Variants in IPO9 observed in about 807,000 individuals in gnomAD.
The protein encoded by IPO9 is importin-9.
Under a neutral mutation model 128.6 loss-of-function variants are expected in IPO9, and 28 were observed. That is an observed-to-expected ratio of 0.22 (90% CI 0.16 to 0.30). The LOEUF is 0.30. Among genes scored for constraint, IPO9 ranks in the 10% least tolerant of loss-of-function variants. The probability of loss-of-function intolerance (pLI) is 1.00; values close to 1 mark genes in which losing one functional copy is unlikely to be tolerated. For synonymous variants in IPO9, 455 were observed against 475.8 expected, an observed-to-expected ratio of 0.96 and a Z score of 0.57; for missense variants, 935 against 1,293.9, an observed-to-expected ratio of 0.72 and a Z score of 4.26.
At position 201,859,051 on chromosome 1, in the gene IPO9, G is replaced by A. The variant is rs1177095680; in HGVS notation, c.1468+57G>A. The A allele has an allele frequency of 7.0e-6, 11 of 1,563,376 alleles. No homozygotes were observed. The East Asian group carries it at 2.1e-4, about 29-fold the overall frequency. ...ACTCTTTAAACCTGTTGTGGGGTTG[G>A]GGGAGGGATCAGCATTAGGAGATAT... On this transcript the variant is annotated intron_variant, in intron 13 of 23. Coordinates refer to ENST00000361565, the MANE Select transcript of IPO9 (RefSeq NM_018085.5).
At chr1:201,839,409 G>A (rs1679996245) in intron 1 of IPO9, among the ~76,000 whole-genome samples, 1 of 151,820 alleles carries the variant, frequency 6.6e-6, no homozygotes, top group African/African-American at 2.4e-5. Flanking sequence ...TAGAGACGGG[G>A]TTTCACCATG....
At chr1:201,855,004 C>A in intron 8 of IPO9, 81 bp downstream of exon 8, 2 of 1,351,834 alleles carry the variant, frequency 1.5e-6, no homozygotes, top group South Asian at 1.3e-5. Flanking sequence ...TCATATGGTT[C>A]CACTCTTCTT....
At chr1:201,838,965 G>A (rs970955990) in intron 1 of IPO9, among the ~76,000 whole-genome samples, 3 of 151,310 alleles carry the variant, frequency 2.0e-5, no homozygotes, top group Non-Finnish European at 2.9e-5. Flanking sequence ...TGTCACCCAG[G>A]CTGGAGTGCA....
At chr1:201,869,826 C>A in intron 17 of IPO9, 108 bp downstream of exon 17, 1 of 1,323,298 alleles carries the variant, frequency 7.6e-7, no homozygotes, top group Non-Finnish European at 1.0e-6. Context: ...ACGGAATTCT[C>A]AACTCCATAT....
intron 1 of IPO9, among the ~76,000 whole-genome samples, chr1:201,843,744 C>G (rs1680082736): frequency 6.6e-6 from 1 of 151,192 alleles, no homozygotes; most frequent in Non-Finnish European, 1.5e-5. Flanking sequence ...ACAAGAATCG[C>G]TTGAACCCAG....
chr1:201,830,385 A>G (rs1056166363), intron 1 of IPO9, among the ~76,000 whole-genome samples: 1 of 152,230 alleles, frequency 6.6e-6, no homozygotes, highest in Non-Finnish European at 1.5e-5. Flanking sequence ...ACGTATTTCT[A>G]TTGAAAAGAA....
At chr1:201,875,606 T>A (rs1908600) in intron 23 of IPO9, among the ~76,000 whole-genome samples, 2,642 of 147,416 alleles carry the variant, frequency 0.018, 76 homozygotes, top group African/African-American at 0.062. Flanking sequence ...AAAAAAAAAA[T>A]CCATTTATAA....
In IPO9 at chr1:201,883,184, A is replaced by ACCCC. The variant is rs2102897785; in HGVS notation, c.*7131_*7132insCCCC. ...CTTTCACTAGATTCCCCCCCCCCCAACAACTTAGTCCAAGAACATACCTGA... is the reference window on the plus strand; with the variant it reads ...CTTTCACTAGATTCCCCCCCCCCCAACCCCCAACTTAGTCCAAGAACATACCTGA... On this transcript the variant is annotated 3_prime_UTR_variant, in exon 24 of 24. Transcript: ENST00000361565. The ACCCC allele has an allele frequency of 8.3e-6, 1 of 120,596 alleles. No homozygotes were observed. The highest frequency in any genetic ancestry group is 3.1e-4 in the South Asian group (1 of 3,216). The allele number at this position is 120,596 out of a possible 1,614,324, so 7.5% of individuals were successfully genotyped here. A position where few individuals can be genotyped will look rare whatever the true frequency, so the allele number is the denominator to read the frequency against.
chr1:201,841,914 A>C (rs753510823), intron 1 of IPO9, among the ~76,000 whole-genome samples: 3 of 152,212 alleles, frequency 2.0e-5, no homozygotes, highest in Admixed American at 2.0e-4. Context: ...CTGCTCTCAC[A>C]CTACAACAGT....
chr1:201,852,089 C>CT lies in IPO9; in HGVS notation c.515-9dup. On this transcript the variant is annotated splice_polypyrimidine_tract_variant and intron_variant, in intron 4 of 23. Coordinates refer to ENST00000361565, the MANE Select transcript of IPO9 (RefSeq NM_018085.5). ...CAGTATTTTTTTTTTAACAGTACTA[C>CT]TTTTTTCTTTGTAGAATTCACTCGT... 6.4e-7 allele frequency: 1 copy of CT among 1,559,086 alleles called. No individual in the cohort carries two copies. Among genetic ancestry groups the CT allele is most frequent in the Non-Finnish European group, 8.8e-7 (1 of 1,132,838 alleles).
At chr1:201,836,648 G>A (rs1679929523) in intron 1 of IPO9, among the ~76,000 whole-genome samples, 1 of 152,142 alleles carries the variant, frequency 6.6e-6, no homozygotes, top group African/African-American at 2.4e-5. Flanking sequence ...AAGTATTATG[G>A]GTATGACACT....
intron 13 of IPO9, among the ~76,000 whole-genome samples, chr1:201,861,302 G>A (rs981993211): frequency 6.6e-6 from 1 of 152,152 alleles, no homozygotes; most frequent in East Asian, 1.9e-4. Flanking sequence ...ACAGTGGTTG[G>A]ACTTATGATT....
chr1:201,829,533 G>A, intron 1 of IPO9, 161 bp downstream of exon 1: 2 of 650,954 alleles, frequency 3.1e-6, no homozygotes, highest in Non-Finnish European at 4.4e-6. Context: ...GGTTGTGAAA[G>A]TCCGAGAGAG....
At position 201,868,700 on chromosome 1, in the gene IPO9, T is replaced by C. The variant is rs200854878; in HGVS notation, c.1908T>C (p.Ile636=). The C allele has an allele frequency of 3.0e-4, 483 of 1,613,926 alleles. 1 individual carries two copies. Among genetic ancestry groups the C allele is most frequent in the Non-Finnish European group, 3.1e-4 (362 of 1,180,000 alleles). ...ACATCTTCAAGGAGCTGTCCCAGAT[T>C]GAAGCCTGTCAGGGCCCAATGCAAA... ...AQDIFKELSQ[I]EACQGPMQMR... Residue 636 remains isoleucine, a synonymous_variant, in exon 16 of 24, where the codon ATT becomes ATC. Coordinates refer to ENST00000361565, the MANE Select transcript of IPO9 (RefSeq NM_018085.5).
At chr1:201,854,277 C>G (rs780635724) in intron 6 of IPO9, among the ~76,000 whole-genome samples, 73 of 152,216 alleles carry the variant, frequency 4.8e-4, no homozygotes, top group Non-Finnish European at 6.8e-4. Context: ...TTAGAACTTT[C>G]CTACTCTTTT....
At chr1:201,833,994 C>T (rs894198051) in intron 1 of IPO9, among the ~76,000 whole-genome samples, 1 of 151,892 alleles carries the variant, frequency 6.6e-6, no homozygotes, top group Non-Finnish European at 1.5e-5. Context: ...GCTGTGTTGA[C>T]CAGGCTGGCC....
intron 1 of IPO9, chr1:201,835,056 C>T (rs1255023753): frequency 6.6e-6 from 1 of 152,276 alleles, no homozygotes; most frequent in African/African-American, 2.4e-5. Context: ...CGGCCACGCT[C>T]GGAAAAAGGC....
intron 4 of IPO9, among the ~76,000 whole-genome samples, chr1:201,851,744 A>C (rs952376227): frequency 6.6e-6 from 1 of 152,226 alleles, no homozygotes; most frequent in Admixed American, 6.5e-5. Context: ...AGAAACCTCG[A>C]AGTGTAACTG....
At chr1:201,853,982 C>T (rs925979330) in intron 6 of IPO9, among the ~76,000 whole-genome samples, 1 of 152,150 alleles carries the variant, frequency 6.6e-6, no homozygotes, top group African/African-American at 2.4e-5. Flanking sequence ...GTGATCCACC[C>T]ACCTCGGCCT....
Sources: gnomAD v4.1 joint callset for allele counts (sites outside exome capture counted in the v4.1 genomes callset) on GRCh38, gnomAD v4.1.1 for gene constraint, MANE v1.5 for transcripts, NCBI Gene and HGNC (gene_info 2026-07-23, HGNC 2026-07-21) for gene names.